TNS1: variants seen among roughly 807,000 people sequenced by gnomAD.
TNS1 encodes the protein tensin-1.
In TNS1, 62 loss-of-function variants were observed where a neutral mutation model predicts 168.6. That is an observed-to-expected ratio of 0.37 (90% CI 0.30 to 0.45). The LOEUF (loss-of-function observed/expected upper bound fraction) is 0.45. Ranked by LOEUF, TNS1 falls within the 20% of genes least tolerant of loss-of-function variation. TNS1 has a pLI of 1.00. For synonymous variants in TNS1, 934 were observed against 933.2 expected, an observed-to-expected ratio of 1.00 and a Z score of -0.02; for missense variants, 2,240 against 2,339.4, an observed-to-expected ratio of 0.96 and a Z score of 0.88.
chr2:217,996,963 T>C (rs1958481543), intron 1 of TNS1, among the ~76,000 whole-genome samples: 2 of 149,240 alleles, frequency 1.3e-5, no homozygotes, highest in African/African-American at 4.9e-5. Context: ...ACTTCCCGGC[T>C]CCCTGCCCTG....
rs1332798668 is a variant in TNS1, at chr2:217,802,694, A to G, written c.*1765T>C. 1.3e-5 allele frequency: 2 copies of G among 152,772 alleles called. No individual in the cohort carries two copies. Among genetic ancestry groups the G allele is most frequent in the Non-Finnish European group, 2.9e-5 (2 of 68,044 alleles). The allele number at this position is 152,772 out of a possible 1,614,324, so 9.5% of individuals were successfully genotyped here. On this transcript the variant is annotated 3_prime_UTR_variant, in exon 33 of 33. Coordinates refer to ENST00000682258, the MANE Select transcript of TNS1 (RefSeq NM_001387777.1). ...CACTTCAGGCTTTACTTACACATAT[A>G]AAAAAGGATAGGAATTGGTTTATCC...
chr2:217,906,884 C>T (rs4674224), intron 5 of TNS1, among the ~76,000 whole-genome samples: 68,929 of 152,008 alleles, frequency 0.45, 16,629 homozygotes, highest in African/African-American at 0.63. Flanking sequence ...TGGAAAGATC[C>T]GCCTGATTTT....
At position 217,814,893 on chromosome 2, in the gene TNS1, C is replaced by T. The variant is rs1574588473; in HGVS notation, c.4729+19G>A. On this transcript the variant is annotated intron_variant, in intron 25 of 32. Coordinates refer to ENST00000682258, the MANE Select transcript of TNS1 (RefSeq NM_001387777.1). Reference sequence around the variant, plus strand: ...CAGCCAGCTATGGCCTCTGATGCACCACAGAGCCCAGCACTCACCCTGCTC... The same window carrying T: ...CAGCCAGCTATGGCCTCTGATGCACTACAGAGCCCAGCACTCACCCTGCTC... The T allele has an allele frequency of 1.2e-6, 2 of 1,604,004 alleles. No individual in the cohort carries two copies. The highest frequency in any genetic ancestry group is 1.7e-6 in the Non-Finnish European group (2 of 1,172,740).
At chr2:217,876,253 G>A (rs1950190598) in intron 18 of TNS1, among the ~76,000 whole-genome samples, 1 of 152,142 alleles carries the variant, frequency 6.6e-6, no homozygotes, top group South Asian at 2.1e-4. Flanking sequence ...GCTTGCCCCG[G>A]AACACTATGG....
intron 3 of TNS1, among the ~76,000 whole-genome samples, chr2:217,931,145 A>G (rs1956301565): frequency 6.6e-6 from 1 of 152,284 alleles, no homozygotes; most frequent in South Asian, 2.1e-4. Context: ...GGAGACAGGC[A>G]TGTAAACAGA....
At chr2:217,928,450 T>C (rs377151893) in intron 3 of TNS1, among the ~76,000 whole-genome samples, 3 of 152,252 alleles carry the variant, frequency 2.0e-5, no homozygotes, top group East Asian at 1.9e-4. Flanking sequence ...TTTATAGAGT[T>C]CTGTTTGGAC....
chr2:217,893,063 G>A, intron 10 of TNS1, 51 bp from the exon 11 acceptor site: 3 of 1,604,288 alleles, frequency 1.9e-6, no homozygotes, highest in Non-Finnish European at 2.6e-6. Context: ...CAGCCTTGCT[G>A]CCCCAGAGCT....
chr2:217,874,425 T>G (rs1300651383), intron 18 of TNS1, among the ~76,000 whole-genome samples: 1 of 152,178 alleles, frequency 6.6e-6, no homozygotes, highest in Non-Finnish European at 1.5e-5. Context: ...TCCTCAACAT[T>G]GTTAGGGCTT....
rs200331124 is a variant in TNS1, at chr2:218,022,202, A to AGGCAGGGAGGCAGAGT, written c.156+11602_156+11617dup. ...AGAGGAGAGAAAGAGACAGAGGAGT[A>AGGCAGGGAGGCAGAGT]GGCAGGGAGGCAGAGTGACAGGGAG... is the stretch of plus-strand genomic sequence containing the variant. On this transcript the variant is annotated intron_variant, in intron 1 of 1. Coordinates refer to the TNS1 transcript ENST00000649572. Among the ~76,000 whole-genome samples, 332 of 152,166 alleles carry AGGCAGGGAGGCAGAGT rather than the reference A, an allele frequency of 2.2e-3. 8 individuals are homozygous for AGGCAGGGAGGCAGAGT. The East Asian group carries it at 0.058, about 27-fold the overall frequency.
At chr2:217,859,255 C>T (rs1173778861) in intron 18 of TNS1, 1 of 223,874 alleles carries the variant, frequency 4.5e-6, no homozygotes, top group Admixed American at 5.5e-5. Flanking sequence ...TTTATTTCCC[C>T]AAATTTTCCA....
intron 3 of TNS1, among the ~76,000 whole-genome samples, chr2:217,956,216 T>G (rs1957358816): frequency 6.6e-6 from 1 of 152,190 alleles, no homozygotes; most frequent in Admixed American, 6.5e-5. Context: ...TTGCCCAGGC[T>G]GGTCTTGAAC....
chr2:217,866,616 C>T (rs1427790691), intron 18 of TNS1, among the ~76,000 whole-genome samples: 1 of 152,142 alleles, frequency 6.6e-6, no homozygotes, highest in Non-Finnish European at 1.5e-5. Flanking sequence ...AAACTTAATC[C>T]CTGGAGCAAG....
chr2:217,804,291 T>TA lies in TNS1; in HGVS notation c.*167_*168insT. The TA allele has an allele frequency of 2.9e-6, 2 of 692,976 alleles. No individual in the cohort carries two copies. The highest frequency in any genetic ancestry group is 4.8e-6 in the Non-Finnish European group (2 of 420,502). 42.9% of individuals were successfully genotyped at this position (692,976 alleles called of 1,614,324 possible). A position where few individuals can be genotyped will look rare whatever the true frequency, so the allele number is the denominator to read the frequency against. ...CTCTCTCTCTCTCTCTCTCTCTCTT[T>TA]TCCCCCTCCCCTCTGCAATTCACTT... On this transcript the variant is annotated 3_prime_UTR_variant, in exon 33 of 33. Transcript: ENST00000682258.
At chr2:217,919,015 G>A (rs548191686) in intron 4 of TNS1, among the ~76,000 whole-genome samples, 6 of 152,120 alleles carry the variant, frequency 3.9e-5, no homozygotes, top group East Asian at 1.9e-4. Flanking sequence ...GCCTGAGCCC[G>A]AGCGTGCAGA....
upstream of TNS1, among the ~76,000 whole-genome samples, chr2:218,013,896 C>T (rs1415836590): frequency 1.3e-5 from 2 of 152,166 alleles, no homozygotes; most frequent in Admixed American, 1.3e-4. Flanking sequence ...TCCATGTTTG[C>T]AGACAGTGTC....
intron 3 of TNS1, among the ~76,000 whole-genome samples, chr2:217,944,960 C>T (rs980105245): frequency 2.6e-5 from 4 of 152,204 alleles, no homozygotes; most frequent in African/African-American, 9.7e-5. Context: ...TGCTACACAC[C>T]TATCAGATGC....
chr2:217,997,823 T>C (rs565325766), intron 1 of TNS1, among the ~76,000 whole-genome samples: 2 of 152,346 alleles, frequency 1.3e-5, no homozygotes, highest in South Asian at 2.1e-4. Flanking sequence ...CGATTCGTGT[T>C]GTCTTTTCTG....
At chr2:217,964,986 G>C (rs1450346730) in intron 3 of TNS1, among the ~76,000 whole-genome samples, 1 of 152,350 alleles carries the variant, frequency 6.6e-6, no homozygotes, top group African/African-American at 2.4e-5. Context: ...GGGAGCAGGG[G>C]TGTCAAAGAT....
intron 3 of TNS1, among the ~76,000 whole-genome samples, chr2:217,974,347 GTATT>G (rs1332653555): frequency 6.6e-6 from 1 of 152,156 alleles, no homozygotes; most frequent in Non-Finnish European, 1.5e-5. Flanking sequence ...TTTGGGAGGG[GTATT>G]TAAAGTGATT....
Sources: allele counts gnomAD v4.1 joint callset (sites outside exome capture counted in the v4.1 genomes callset), GRCh38; gene constraint gnomAD v4.1.1; transcripts MANE v1.5; gene names NCBI Gene and HGNC (gene_info 2026-07-23, HGNC 2026-07-21).